CACNA2D1: variants seen among roughly 807,000 people sequenced by gnomAD.
The protein encoded by CACNA2D1 is voltage-dependent calcium channel subunit alpha-2/delta-1.
In CACNA2D1, 53 loss-of-function variants were observed where a neutral mutation model predicts 171.5. The ratio of observed to expected loss-of-function variants is 0.31; its 90% CI spans 0.25 to 0.39. CACNA2D1 has a LOEUF of 0.39. Ranked by LOEUF, CACNA2D1 falls within the 10% of genes least tolerant of loss-of-function variation. The probability of loss-of-function intolerance (pLI) is 1.00; values close to 1 mark genes in which losing one functional copy is unlikely to be tolerated. For synonymous variants in CACNA2D1, 442 were observed against 443.1 expected (o/e 1.00, Z 0.03); for missense variants, 903 against 1,299.8 (o/e 0.69, Z 4.69).
intron 18 of CACNA2D1, among the ~76,000 whole-genome samples, chr7:82,003,744 C>CTT (rs780882992): frequency 2.2e-5 from 3 of 137,118 alleles, no homozygotes; most frequent in Non-Finnish European, 4.8e-5. Context: ...CATCACATTA[C>CTT]TTTTTTTTTT....
At chr7:82,389,844 T>C (rs536617726) in intron 1 of CACNA2D1, among the ~76,000 whole-genome samples, 125 of 152,294 alleles carry the variant, frequency 8.2e-4, no homozygotes, top group African/African-American at 2.8e-3. Context: ...TAAATAGATG[T>C]AATTGTTTTG....
intron 3 of CACNA2D1, among the ~76,000 whole-genome samples, chr7:82,224,047 T>C (rs1257024387): frequency 1.3e-5 from 2 of 152,132 alleles, no homozygotes; most frequent in Admixed American, 6.5e-5. Flanking sequence ...TCACTTTCAT[T>C]ACTTTAGGCC....
At position 82,123,753 on chromosome 7, in the gene CACNA2D1, A is replaced by G. The variant is rs570723185; in HGVS notation, c.397-6580T>C. Among the ~76,000 whole-genome samples the G allele has an allele frequency of 2.5e-3, 386 of 152,286 alleles. 5 individuals carry two copies. The South Asian group carries it at 0.028, about 11-fold the overall frequency. The stretch of plus-strand genomic sequence containing the variant: ...AAATTTTACTTGTTTTGCCTGAAAA[A>G]TAAAATAATATATGTGCCACAAAGG... On this transcript the variant is annotated intron_variant, in intron 5 of 38. Coordinates refer to ENST00000356860, the MANE Select transcript of CACNA2D1 (RefSeq NM_000722.4).
intron 7 of CACNA2D1, among the ~76,000 whole-genome samples, chr7:82,067,872 C>CTGAA (rs1361909026): frequency 6.6e-6 from 1 of 152,110 alleles, no homozygotes; most frequent in Non-Finnish European, 1.5e-5. Flanking sequence ...TTGTATCCTA[C>CTGAA]TTTCAGTACC....
chr7:82,397,511 T>C (rs946590655), intron 1 of CACNA2D1, among the ~76,000 whole-genome samples: 1 of 152,166 alleles, frequency 6.6e-6, no homozygotes, highest in African/African-American at 2.4e-5. Flanking sequence ...TCATTTTGCC[T>C]AGAATTGAGC....
At chr7:82,170,418 C>T in intron 4 of CACNA2D1, 132 bp downstream of exon 4, 1 of 839,324 alleles carries the variant, frequency 1.2e-6, no homozygotes, top group Non-Finnish European at 2.0e-6. Context: ...ATTTAAAAAG[C>T]AACAAGTATG....
intron 10 of CACNA2D1, among the ~76,000 whole-genome samples, chr7:82,040,874 C>G (rs1394489788): frequency 6.6e-6 from 1 of 152,066 alleles, no homozygotes; most frequent in African/African-American, 2.4e-5. Context: ...ACTCATGAGG[C>G]TGAGGCAGGA....
intron 1 of CACNA2D1, among the ~76,000 whole-genome samples, chr7:82,427,782 T>C (rs891602973): frequency 3.3e-5 from 5 of 152,178 alleles, no homozygotes; most frequent in Non-Finnish European, 7.3e-5. Context: ...TGCAATGACT[T>C]CTCTTCTATG....
At chr7:82,197,906 G>GCACA (rs142413891) in intron 3 of CACNA2D1, among the ~76,000 whole-genome samples, 13 of 151,046 alleles carry the variant, frequency 8.6e-5, no homozygotes, top group South Asian at 6.3e-4. Context: ...ATGACATTAT[G>GCACA]CACACACACA....
At chr7:82,406,271 T>A (rs936002199) in intron 1 of CACNA2D1, among the ~76,000 whole-genome samples, 2 of 152,216 alleles carry the variant, frequency 1.3e-5, no homozygotes, top group Non-Finnish European at 2.9e-5. Flanking sequence ...ATGTGCCACA[T>A]TTTCTTAATC....
intron 4 of CACNA2D1, among the ~76,000 whole-genome samples, chr7:82,155,934 T>C (rs1174753072): frequency 6.6e-6 from 1 of 152,204 alleles, no homozygotes; most frequent in Middle Eastern, 3.2e-3. Context: ...TACTAGTCAA[T>C]GTATTCACTT....
At chr7:82,356,105 G>A (rs1176352969) in intron 1 of CACNA2D1, among the ~76,000 whole-genome samples, 1 of 151,856 alleles carries the variant, frequency 6.6e-6, no homozygotes, top group Non-Finnish European at 1.5e-5. Flanking sequence ...ATAGCCAAAT[G>A]CATTGAGACC....
intron 3 of CACNA2D1, among the ~76,000 whole-genome samples, chr7:82,274,457 T>C (rs2129356966): frequency 6.6e-6 from 1 of 152,306 alleles, no homozygotes; most frequent in East Asian, 1.9e-4. Flanking sequence ...TCATGAAACG[T>C]TTTCTTAATA....
intron 3 of CACNA2D1, among the ~76,000 whole-genome samples, chr7:82,194,479 A>G (rs1798654738): frequency 6.6e-6 from 1 of 151,962 alleles, no homozygotes; most frequent in African/African-American, 2.4e-5. Flanking sequence ...CAAGAGTTGA[A>G]GTAGTTACAT....
At chr7:82,056,368 G>C (rs1805909164) in intron 10 of CACNA2D1, among the ~76,000 whole-genome samples, 1 of 152,150 alleles carries the variant, frequency 6.6e-6, no homozygotes, top group Admixed American at 6.5e-5. Flanking sequence ...ACCTATGGAG[G>C]TAGGCATGAA....
At chr7:81,978,088 T>C (rs1435180389) in intron 24 of CACNA2D1, among the ~76,000 whole-genome samples, 2 of 151,942 alleles carry the variant, frequency 1.3e-5, no homozygotes, top group East Asian at 1.9e-4. Flanking sequence ...CAGGAAACAA[T>C]AGATGCTGGA....
At chr7:82,436,289 C>G (rs73704294) in intron 1 of CACNA2D1, among the ~76,000 whole-genome samples, 5,277 of 152,118 alleles carry the variant, frequency 0.035, 302 homozygotes, top group African/African-American at 0.12. Flanking sequence ...AAGTATACTA[C>G]CTAGAAGGCT....
At chr7:82,274,855 T>TATGCATGA (rs1809110856) in intron 3 of CACNA2D1, among the ~76,000 whole-genome samples, 1 of 150,272 alleles carries the variant, frequency 6.7e-6, no homozygotes, top group Non-Finnish European at 1.5e-5. Flanking sequence ...TACAGGTATT[T>TATGCATGA]ATGAATGAAT....
At chr7:82,042,963 A>G (rs1804139226) in intron 10 of CACNA2D1, among the ~76,000 whole-genome samples, 1 of 152,200 alleles carries the variant, frequency 6.6e-6, no homozygotes, top group Non-Finnish European at 1.5e-5. Context: ...ATGGCCAGAG[A>G]ATATGTCCAC....
Sources: gnomAD v4.1 joint callset for allele counts (sites outside exome capture counted in the v4.1 genomes callset) on GRCh38, gnomAD v4.1.1 for gene constraint, MANE v1.5 for transcripts, NCBI Gene and HGNC (gene_info 2026-07-23, HGNC 2026-07-21) for gene names.